Variants in CLOCK observed in about 807,000 individuals in gnomAD.
CLOCK encodes the protein clock circadian regulator.
In CLOCK, 43 loss-of-function variants were observed where a neutral mutation model predicts 118.4. The observed-to-expected ratio is 0.36, with a 90% CI of 0.28 to 0.47. CLOCK has a LOEUF of 0.47. CLOCK is among the 20% of genes least tolerant of loss of function. CLOCK has a pLI of 1.00. For synonymous variants in CLOCK, 326 were observed against 339.2 expected (o/e 0.96, Z 0.43); for missense variants, 846 against 999.9 (o/e 0.85, Z 2.08).
chr4:55,516,518 C>A (rs1729524614), intron 1 of CLOCK, among the ~76,000 whole-genome samples: 1 of 144,222 alleles, frequency 6.9e-6, no homozygotes, highest in African/African-American at 2.5e-5. Context: ...TATAGCTATT[C>A]ATGCTTTCTT....
chr4:55,481,261 G>A (rs376324973), intron 4 of CLOCK, among the ~76,000 whole-genome samples: 2 of 152,152 alleles, frequency 1.3e-5, no homozygotes, highest in African/African-American at 4.8e-5. Flanking sequence ...GGGATTCCAT[G>A]TAGGCCCTGA....
intron 1 of CLOCK, among the ~76,000 whole-genome samples, chr4:55,535,243 C>T (rs1397695623): frequency 6.6e-6 from 1 of 151,900 alleles, no homozygotes. Flanking sequence ...TTAGGTTTGT[C>T]AAAACTCAAG....
chr4:55,453,312 A>T, intron 14 of CLOCK, 183 bp from the exon 15 acceptor site: 3 of 589,656 alleles, frequency 5.1e-6, no homozygotes, highest in South Asian at 4.8e-5. Context: ...TAGGTATCTT[A>T]AAGTTTCATA....
chr4:55,479,083 T>C lies in CLOCK; in HGVS notation c.108-120A>G, dbSNP rs1223278463. The C allele has an allele frequency of 1.3e-5, 11 of 838,302 alleles. No individual in the cohort carries two copies. The South Asian group carries it at 1.4e-4, about 11-fold the overall frequency. The allele number at this position is 838,302 out of a possible 1,614,324, so 51.9% of individuals were successfully genotyped here. A position where few individuals can be genotyped will look rare whatever the true frequency, so the allele number is the denominator to read the frequency against. On this transcript the variant is annotated intron_variant, in intron 5 of 22. Transcript: ENST00000513440. ...TTCTATCAACATAGATGGTAACAAATATCTTCCAGGTTACCAATATACAGT... is the reference window on the plus strand; with the variant it reads ...TTCTATCAACATAGATGGTAACAAACATCTTCCAGGTTACCAATATACAGT...
intron 7 of CLOCK, among the ~76,000 whole-genome samples, chr4:55,471,112 T>A (rs1034075379): frequency 6.6e-6 from 1 of 152,208 alleles, no homozygotes; most frequent in South Asian, 2.1e-4. Context: ...TACAGTATTA[T>A]GGCTTATTTG....
chr4:55,537,451 T>C (rs1179651527), intron 1 of CLOCK, among the ~76,000 whole-genome samples: 1 of 151,948 alleles, frequency 6.6e-6, no homozygotes, highest in African/African-American at 2.4e-5. Context: ...AAACCCTATC[T>C]CTACAAAAAA....
At chr4:55,504,885 A>G (rs1728698814) in intron 2 of CLOCK, among the ~76,000 whole-genome samples, 1 of 152,210 alleles carries the variant, frequency 6.6e-6, no homozygotes, top group Non-Finnish European at 1.5e-5. Flanking sequence ...TATTAAATCC[A>G]GCAAAGAATC....
At chr4:55,538,838 T>C (rs913476617) in intron 1 of CLOCK, among the ~76,000 whole-genome samples, 10 of 152,312 alleles carry the variant, frequency 6.6e-5, no homozygotes, top group African/African-American at 2.4e-4. Context: ...ATAAGACTGG[T>C]AGCTGACTTC....
intron 7 of CLOCK, among the ~76,000 whole-genome samples, chr4:55,471,902 G>A (rs1011404470): frequency 6.6e-6 from 1 of 151,982 alleles, no homozygotes. Flanking sequence ...GCGAAACCTT[G>A]TCTCTGAAAA....
chr4:55,501,234 C>G (rs1980273), intron 2 of CLOCK, among the ~76,000 whole-genome samples: 89,072 of 152,132 alleles, frequency 0.59, 27,654 homozygotes, highest in South Asian at 0.81. Context: ...AATATAATCT[C>G]TACAGAAAAA....
At chr4:55,524,441 A>G (rs1426690113) in intron 1 of CLOCK, among the ~76,000 whole-genome samples, 1 of 151,874 alleles carries the variant, frequency 6.6e-6, no homozygotes, top group African/African-American at 2.4e-5. Flanking sequence ...AAAAGAAAAT[A>G]TTAATACCTA....
chr4:55,494,503 C>T (rs750448426), intron 2 of CLOCK, among the ~76,000 whole-genome samples: 13 of 151,718 alleles, frequency 8.6e-5, no homozygotes, highest in Admixed American at 2.6e-4. Flanking sequence ...TCAGAAAGAA[C>T]GGTCAAAAAG....
chr4:55,472,529 T>C (rs751877348), intron 7 of CLOCK, among the ~76,000 whole-genome samples: 2 of 152,216 alleles, frequency 1.3e-5, no homozygotes, highest in Non-Finnish European at 2.9e-5. Flanking sequence ...TAAATTCTAA[T>C]TTCTTGTTTA....
In CLOCK at chr4:55,433,441, A is replaced by G; in HGVS notation, c.*1974T>C. 1 of 152,648 alleles carries G rather than the reference A, an allele frequency of 6.6e-6. No individual in the cohort carries two copies. 9.5% of individuals were successfully genotyped at this position (152,648 alleles called of 1,614,324 possible). On this transcript the variant is annotated 3_prime_UTR_variant, in exon 23 of 23. Transcript: ENST00000513440. The stretch of plus-strand genomic sequence containing the variant: ...TGCAGAAAGACAAAGTATATGCCTT[A>G]AGGATAACAGCAAAGCAGAGGACAG...
chr4:55,463,686 T>A lies in CLOCK; in HGVS notation c.558A>T (p.Lys186Asn). 1 of 1,613,024 alleles carries A rather than the reference T, an allele frequency of 6.2e-7. No individual in the cohort carries two copies. Among genetic ancestry groups the A allele is most frequent in the South Asian group, 1.1e-5 (1 of 91,056 alleles). The change falls in exon 9 of 23, where the codon AAA becomes AAT. Residue 186 changes from lysine (K) to asparagine (N), a missense_variant and splice_region_variant. Physicochemically the swap from Lys to Asn is moderately conservative, Grantham distance 94. Coordinates refer to ENST00000513440, the MANE Select transcript of CLOCK (RefSeq NM_004898.4). ...TTTTGCTTAACAGCTACTACTTACATTTTAAATATTCTGGGGTTAATGAAT... is the reference window on the plus strand; with the variant it reads ...TTTTGCTTAACAGCTACTACTTACAATTTAAATATTCTGGGGTTAATGAAT... ...ESDSLTPEYL[K>N]SKNQLEFCCH...
Position 55,499,787 on chromosome 4 carries a change from T to C in CLOCK, c.-136+10125A>G, listed in dbSNP as rs530689647. On this transcript the variant is annotated intron_variant, in intron 2 of 22. Transcript: ENST00000513440. ...CACCATAGTTCAGCTCTCTAGGTCT[T>C]TGCCATGTTTCTTTCGCTCTGTTCC... Among the ~76,000 whole-genome samples, 5 of 152,344 alleles carry C rather than the reference T, an allele frequency of 3.3e-5. No homozygotes were observed. In the South Asian group the frequency reaches 1.0e-3, roughly 32 times the overall value.
intron 1 of CLOCK, among the ~76,000 whole-genome samples, chr4:55,525,148 A>T (rs1238721345): frequency 2.0e-5 from 3 of 152,206 alleles, no homozygotes; most frequent in Non-Finnish European, 2.9e-5. Context: ...ATAACCAATG[A>T]AAGATAGAAT....
At chr4:55,539,860 T>G (rs1731148366) in intron 1 of CLOCK, among the ~76,000 whole-genome samples, 1 of 152,100 alleles carries the variant, frequency 6.6e-6, no homozygotes. Flanking sequence ...CTGAACAGCT[T>G]GCACTGCAGT....
intron 2 of CLOCK, among the ~76,000 whole-genome samples, chr4:55,504,203 G>C (rs369198956): frequency 2.0e-5 from 3 of 146,346 alleles, no homozygotes; most frequent in African/African-American, 7.6e-5. Flanking sequence ...GGAGAATCAC[G>C]TGAACCCGAG....
Sources: allele counts gnomAD v4.1 joint callset (sites outside exome capture counted in the v4.1 genomes callset), GRCh38; gene constraint gnomAD v4.1.1; transcripts MANE v1.5; gene names NCBI Gene and HGNC (gene_info 2026-07-23, HGNC 2026-07-21).